The following SULF2 variants were observed in gnomAD, a reference collection of about 807,000 sequenced individuals.
SULF2 encodes the protein extracellular sulfatase Sulf-2.
In SULF2, 52 loss-of-function variants were observed where a neutral mutation model predicts 107.7. The ratio of observed to expected loss-of-function variants is 0.48; its 90% CI spans 0.39 to 0.61. The LOEUF (loss-of-function observed/expected upper bound fraction) is 0.61, where lower values mean the gene tolerates loss of function less well. SULF2 is among the 20% of genes least tolerant of loss of function. The pLI, the probability that SULF2 is intolerant of heterozygous loss-of-function variation, is 0.00. For synonymous variants in SULF2, 460 were observed against 464.3 expected, an observed-to-expected ratio of 0.99 and a Z score of 0.12; for missense variants, 993 against 1,177.3, an observed-to-expected ratio of 0.84 and a Z score of 2.29.
intron 3 of SULF2, among the ~76,000 whole-genome samples, chr20:47,709,610 C>T (rs2088859572): frequency 6.6e-6 from 1 of 152,200 alleles, no homozygotes; most frequent in Non-Finnish European, 1.5e-5. Flanking sequence ...GCATGTGACC[C>T]AAGCTGGGCC....
chr20:47,666,051 T>C lies in SULF2; in HGVS notation c.1806-98A>G, dbSNP rs902521631. On this transcript the variant is annotated intron_variant, in intron 12 of 20. Coordinates refer to ENST00000688720, the MANE Select transcript of SULF2 (RefSeq NM_001387048.1). The surrounding 1 kb of genome is among the most constrained non-coding windows in gnomAD (Gnocchi z 5.4). ...GGGAAGCCCTTGCCGAGGTCTGTCC[T>C]GTCCCCTTCACCCTCGACTTCCACC... 30 of 1,586,620 alleles carry C rather than the reference T, an allele frequency of 1.9e-5. No individual in the cohort carries two copies. Among genetic ancestry groups the C allele is most frequent in the African/African-American group, 2.7e-5 (2 of 74,352 alleles).
intron 2 of SULF2, among the ~76,000 whole-genome samples, chr20:47,753,753 T>C (rs1158288504): frequency 6.6e-6 from 1 of 152,266 alleles, no homozygotes; most frequent in African/African-American, 2.4e-5. Flanking sequence ...ATCCTCTTGC[T>C]GTCTCAGAGC....
In SULF2 at chr20:47,694,009, CCTT is replaced by C. The variant is rs1275182270; in HGVS notation, c.568-3717_568-3715del. On this transcript the variant is annotated intron_variant, in intron 4 of 20. Coordinates refer to ENST00000688720, the MANE Select transcript of SULF2 (RefSeq NM_001387048.1). This position sits in a 1 kb window ranked among gnomAD's most constrained non-coding sequence, Gnocchi z 4.4. The stretch of plus-strand genomic sequence containing the variant: ...TTTCTCCATGTCTGAGAGCTCCCCT[CCTT>C]ATCCATCCTCCTCAGTGGCCACTCC... Among the ~76,000 whole-genome samples, 3 of 152,208 alleles carry C rather than the reference CCTT, an allele frequency of 2.0e-5. No individual in the cohort carries two copies. Among genetic ancestry groups the C allele is most frequent in the Non-Finnish European group, 4.4e-5 (3 of 68,014 alleles).
At chr20:47,732,276 A>G (rs1215135042) in intron 3 of SULF2, among the ~76,000 whole-genome samples, 2 of 152,170 alleles carry the variant, frequency 1.3e-5, no homozygotes, top group African/African-American at 2.4e-5. Flanking sequence ...ACAAAACTCT[A>G]TGAGTTAAGT....
chr20:47,730,999 A>G lies in SULF2; in HGVS notation c.415+5704T>C, dbSNP rs576554262. On this transcript the variant is annotated intron_variant, in intron 3 of 20. Coordinates refer to ENST00000688720, the MANE Select transcript of SULF2 (RefSeq NM_001387048.1). The stretch of plus-strand genomic sequence containing the variant: ...CTGGCATGTGACTCAGGGTGGTCCA[A>G]TCAGAAGGGATCTCATGCCTTGAGC... 4.1e-4 allele frequency among the ~76,000 whole-genome samples: 62 copies of G among 152,142 alleles called. No homozygotes were observed. In the South Asian group the frequency reaches 9.5e-3, roughly 23 times the overall value.
At chr20:47,750,750 G>A (rs965397737) in intron 2 of SULF2, among the ~76,000 whole-genome samples, 3 of 152,128 alleles carry the variant, frequency 2.0e-5, no homozygotes, top group African/African-American at 4.8e-5. Flanking sequence ...CCCTATTACC[G>A]TTCATTCTTC....
At chr20:47,679,244 C>T (rs777685269) in intron 7 of SULF2, among the ~76,000 whole-genome samples, 13 of 152,248 alleles carry the variant, frequency 8.5e-5, no homozygotes, top group African/African-American at 2.9e-4. Flanking sequence ...TCCTCTCTGC[C>T]TGGAATGTCC....
Position 47,699,636 on chromosome 20 carries a change from G to A in SULF2, c.567+2883C>T, listed in dbSNP as rs113855706. On this transcript the variant is annotated intron_variant, in intron 4 of 20. Transcript: ENST00000688720. ...ATGTGAAACTCACCGTACAGTCCCC[G>A]GAGGGTGCTGGCAGAAGAACGACAT... 9.4e-3 allele frequency among the ~76,000 whole-genome samples: 1,426 copies of A among 152,194 alleles called. 27 individuals are homozygous for A. Among genetic ancestry groups the A allele is most frequent in the Middle Eastern group, 0.054 (16 of 294 alleles).
intron 5 of SULF2, chr20:47,686,362 G>A (rs1602643324): frequency 1.3e-5 from 2 of 152,260 alleles, no homozygotes; most frequent in Admixed American, 6.5e-5. Context: ...CCCTGGCTCC[G>A]AGCTACTGAA....
chr20:47,758,226 T>C (rs6512471), intron 1 of SULF2, among the ~76,000 whole-genome samples: 3,824 of 143,008 alleles, frequency 0.027, 157 homozygotes, highest in African/African-American at 0.093. Flanking sequence ...TGGAGTGCAA[T>C]GACGCCATCT....
intron 2 of SULF2, among the ~76,000 whole-genome samples, chr20:47,738,034 T>A (rs1488605492): frequency 6.6e-6 from 1 of 151,818 alleles, no homozygotes; most frequent in East Asian, 2.0e-4. Context: ...ATGAACCACC[T>A]TGCCTGGCCA....
rs1423147524 is a variant in SULF2, at chr20:47,690,283, C to A, written c.580G>T (p.Asp194Tyr). 2.0e-6 allele frequency: 3 copies of A among 1,505,320 alleles called. No individual in the cohort carries two copies. The highest frequency in any genetic ancestry group is 2.7e-6 in the Non-Finnish European group (3 of 1,119,926). The allele number at this position is 1,505,320 out of a possible 1,614,324, so 93.2% of individuals were successfully genotyped here. The change falls in exon 5 of 21, where the codon GAC becomes TAC. Residue 194 changes from aspartate (D) to tyrosine (Y), a missense_variant. Physicochemically the swap from Asp to Tyr is radical, Grantham distance 160. This residue lies in a region of SULF2 where 388 missense variants were observed against 449.2 expected (regional missense o/e 0.86). Coordinates refer to ENST00000688720, the MANE Select transcript of SULF2 (RefSeq NM_001387048.1). ...CTCACGCTGTCATTGGTGATGAGGT[C>A]TGTGAGGTAATCCTGGGGGGTGGGG... ...GSDYSKDYLT[D>Y]LITNDSVSFF... is the part of the protein sequence containing the mutation.
chr20:47,737,713 C>T (rs901172380), intron 2 of SULF2, among the ~76,000 whole-genome samples: 14 of 148,632 alleles, frequency 9.4e-5, no homozygotes, highest in Non-Finnish European at 1.5e-4. Context: ...CCCCAGGCTT[C>T]GAGGTTTCGG....
intron 1 of SULF2, among the ~76,000 whole-genome samples, chr20:47,759,427 C>T (rs1261875708): frequency 6.6e-6 from 1 of 152,192 alleles, no homozygotes; most frequent in Non-Finnish European, 1.5e-5. Context: ...CGCAGTGGCT[C>T]ACATCTGTAA....
chr20:47,718,654 T>C (rs573885747), intron 3 of SULF2, among the ~76,000 whole-genome samples: 206 of 152,232 alleles, frequency 1.4e-3, no homozygotes, highest in African/African-American at 4.4e-3. Context: ...TGGGATTTGC[T>C]GATGTGGCAT....
intron 5 of SULF2, chr20:47,689,413 C>T (rs2088123147): frequency 6.6e-6 from 1 of 152,284 alleles, no homozygotes; most frequent in East Asian, 1.9e-4. Flanking sequence ...AGCTATCATG[C>T]TGTGAGGACA....
intron 3 of SULF2, among the ~76,000 whole-genome samples, chr20:47,704,254 TTC>T (rs1322419075): frequency 2.0e-5 from 3 of 150,586 alleles, no homozygotes; most frequent in African/African-American, 7.3e-5. Context: ...CATGATCCTC[TTC>T]TGTTTTTATT....
Position 47,746,979 on chromosome 20 carries a change from AAAT to A in SULF2, c.176-10040_176-10038del, listed in dbSNP as rs1177287204. 2.7e-3 allele frequency among the ~76,000 whole-genome samples: 139 copies of A among 52,382 alleles called. 1 individual carries two copies. The highest frequency in any genetic ancestry group is 6.6e-3 in the African/African-American group (88 of 13,276). 34.4% of individuals were successfully genotyped at this position (52,382 alleles called of 152,430 possible). A position where few individuals can be genotyped will look rare whatever the true frequency, so the allele number is the denominator to read the frequency against. On this transcript the variant is annotated intron_variant, in intron 2 of 20. Coordinates refer to ENST00000688720, the MANE Select transcript of SULF2 (RefSeq NM_001387048.1). ...TGCACATGTACCCTAGAACTTAAATAAATAAAAAAAAAAAAATATATATATATA... is the reference window on the plus strand; with the variant it reads ...TGCACATGTACCCTAGAACTTAAATAAAAAAAAAAAAAATATATATATATA...
intron 3 of SULF2, among the ~76,000 whole-genome samples, chr20:47,722,652 C>T (rs1308224777): frequency 2.0e-5 from 3 of 152,300 alleles, no homozygotes; most frequent in African/African-American, 7.2e-5. Context: ...AGTTCACTCG[C>T]CAGGTGCAGT....
Sources: gnomAD v4.1 joint callset for allele counts (sites outside exome capture counted in the v4.1 genomes callset) on GRCh38, gnomAD v4.1.1 for gene constraint, gnomAD v4.1.1 regional missense constraint, Gnocchi (gnomAD v3.1) non-coding constraint, MANE v1.5 for transcripts, NCBI Gene and HGNC (gene_info 2026-07-23, HGNC 2026-07-21) for gene names.